Variants in GLRB observed in about 807,000 individuals in gnomAD.
GLRB encodes glycine receptor beta, also known as glycine receptor subunit beta.
GLRB carries 33 observed loss-of-function variants against 54.2 expected under a neutral mutation model. That is an observed-to-expected ratio of 0.61 (90% CI 0.46 to 0.81). The LOEUF is 0.81. Among genes scored for constraint, GLRB ranks in the 40% least tolerant of loss-of-function variants. The pLI is 0.00. For missense variants in GLRB, 572 were observed against 584.6 expected (o/e 0.98, Z 0.22); for synonymous variants, 209 against 208.2 (o/e 1.00, Z -0.03).
chr4:157,091,431 A>T (rs1017702854), intron 2 of GLRB: 5 of 152,246 alleles, frequency 3.3e-5, no homozygotes, highest in African/African-American at 9.6e-5. Flanking sequence ...AAACACCAAC[A>T]GTTTTTCCCA....
Position 157,126,627 on chromosome 4 carries a change from T to G in GLRB, c.297+4230T>G, listed in dbSNP as rs541611519. On this transcript the variant is annotated intron_variant, in intron 4 of 9. Transcript: ENST00000264428. ...CTGCTTGTGACAACTGAAATAAGAGTATTCAAAACAGTGAGAAGAATGATT... is the reference window on the plus strand; with the variant it reads ...CTGCTTGTGACAACTGAAATAAGAGGATTCAAAACAGTGAGAAGAATGATT... Among the ~76,000 whole-genome samples the G allele has an allele frequency of 2.7e-4, 41 of 151,964 alleles. 2 individuals are homozygous for G. The South Asian group carries it at 8.5e-3, about 31-fold the overall frequency.
intron 4 of GLRB, among the ~76,000 whole-genome samples, chr4:157,131,763 G>T (rs959436448): frequency 5.3e-5 from 8 of 151,722 alleles, no homozygotes; most frequent in Non-Finnish European, 1.0e-4. Flanking sequence ...TGATTGTTCA[G>T]TTCTTTTTAA....
At chr4:157,099,407 G>A (rs571167737) in intron 2 of GLRB, among the ~76,000 whole-genome samples, 11 of 151,428 alleles carry the variant, frequency 7.3e-5, no homozygotes, top group Non-Finnish European at 1.3e-4. Flanking sequence ...AACAATCTCA[G>A]CTCACTGCAA....
chr4:157,136,225 T>C (rs980629218), intron 4 of GLRB: 2 of 492,592 alleles, frequency 4.1e-6, no homozygotes, highest in Admixed American at 3.5e-5. Flanking sequence ...CAAGGTTATA[T>C]TCTGATGTTT....
chr4:157,088,591 G>T (rs1477565720), intron 2 of GLRB, among the ~76,000 whole-genome samples: 1 of 152,108 alleles, frequency 6.6e-6, no homozygotes. Context: ...TAAAGGAAAA[G>T]AATACAAGTC....
At chr4:157,157,471 CTAA>C (rs1737277705) in intron 9 of GLRB, among the ~76,000 whole-genome samples, 2 of 152,066 alleles carry the variant, frequency 1.3e-5, no homozygotes, top group South Asian at 4.1e-4. Context: ...GGTAGATCTC[CTAA>C]TGCTATCCCT....
intron 4 of GLRB, among the ~76,000 whole-genome samples, chr4:157,135,153 G>A (rs1736355634): frequency 6.6e-6 from 1 of 151,832 alleles, no homozygotes; most frequent in Admixed American, 6.6e-5. Context: ...CACAATAAAG[G>A]GTCACAGCTT....
intron 8 of GLRB, among the ~76,000 whole-genome samples, chr4:157,149,346 A>G (rs1177210598): frequency 6.6e-6 from 1 of 152,112 alleles, no homozygotes; most frequent in Non-Finnish European, 1.5e-5. Flanking sequence ...AATTTTAGGT[A>G]AGGACTTTTG....
intron 9 of GLRB, among the ~76,000 whole-genome samples, chr4:157,160,676 A>T (rs922014942): frequency 6.6e-6 from 1 of 151,940 alleles, no homozygotes; most frequent in Non-Finnish European, 1.5e-5. Flanking sequence ...TTCTAGTTTG[A>T]TTGCACTGTG....
At chr4:157,101,590 C>A (rs894975910) in intron 2 of GLRB, among the ~76,000 whole-genome samples, 1 of 152,074 alleles carries the variant, frequency 6.6e-6, no homozygotes, top group African/African-American at 2.4e-5. Flanking sequence ...ATTTAGATCT[C>A]ATTGCCTACT....
Position 157,127,999 on chromosome 4 carries a change from A to C in GLRB, c.297+5602A>C, listed in dbSNP as rs146958858. Among the ~76,000 whole-genome samples the C allele has an allele frequency of 2.7e-3, 403 of 151,956 alleles. 1 individual carries two copies. Among genetic ancestry groups the C allele is most frequent in the Middle Eastern group, 6.8e-3 (2 of 294 alleles). On this transcript the variant is annotated intron_variant, in intron 4 of 9. Coordinates refer to ENST00000264428, the MANE Select transcript of GLRB (RefSeq NM_000824.5). ...TTTGTTAGTAATTTTTTTCCTTCTG[A>C]ATTCTGCTGGAGGTTTATCTGATTG...
chr4:157,170,708 T>C lies in GLRB; in HGVS notation c.1474T>C (p.Tyr492His), dbSNP rs745732691. The change falls in exon 10 of 10, where the codon TAT becomes CAT. Residue 492 changes from tyrosine to histidine, a missense_variant. Transcript: ENST00000264428. ...PFCFLFFNVIYWSIYL is the reference protein window; with the variant it reads ...PFCFLFFNVIHWSIYL ...CTGCTTCTTGTTCTTCAATGTTATA[T>C]ATTGGTCTATATATTTATGATAAAT... 4 of 1,540,458 alleles carry C rather than the reference T, an allele frequency of 2.6e-6. No individual in the cohort carries two copies.
At chr4:157,085,777 G>A (rs978053737) in intron 2 of GLRB, among the ~76,000 whole-genome samples, 6 of 152,084 alleles carry the variant, frequency 3.9e-5, no homozygotes, top group Admixed American at 6.6e-5. Flanking sequence ...AATTACAGGC[G>A]TGAGCCACCG....
chr4:157,149,011 A>G (rs1458656681), intron 8 of GLRB, among the ~76,000 whole-genome samples: 1 of 152,094 alleles, frequency 6.6e-6, no homozygotes. Flanking sequence ...AGAAAAGGAA[A>G]TAATACTGAC....
chr4:157,090,061 A>G (rs996164679), intron 2 of GLRB, among the ~76,000 whole-genome samples: 1 of 152,088 alleles, frequency 6.6e-6, no homozygotes, highest in African/African-American at 2.4e-5. Flanking sequence ...CTGTTATTGC[A>G]GTACTTTCCT....
chr4:157,148,935 A>G (rs749759417), intron 8 of GLRB, among the ~76,000 whole-genome samples: 17 of 152,092 alleles, frequency 1.1e-4, no homozygotes, highest in Non-Finnish European at 2.2e-4. Context: ...AATTATAATT[A>G]TGGAATTACG....
At chr4:157,128,557 T>A (rs1043431922) in intron 4 of GLRB, among the ~76,000 whole-genome samples, 1 of 151,878 alleles carries the variant, frequency 6.6e-6, no homozygotes, top group Non-Finnish European at 1.5e-5. Flanking sequence ...TATTGGATGC[T>A]TTTTATACTC....
Position 157,170,469 on chromosome 4 carries a change from A to C in GLRB, c.1235A>C (p.Lys412Thr). The C allele has an allele frequency of 6.2e-7, 1 of 1,608,886 alleles. No homozygotes were observed. The highest frequency in any genetic ancestry group is 1.1e-5 in the South Asian group (1 of 90,910). ...ETRCKKVCTS[K>T]SDLRSNDFSI... ...AGATGCAAAAAAGTTTGTACTTCTA[A>C]GTCTGATCTGAGATCTAATGACTTC... is the stretch of plus-strand genomic sequence containing the variant. The change falls in exon 10 of 10, where the codon AAG becomes ACG. Residue 412 changes from lysine (K) to threonine (T), a missense_variant. Physicochemically the swap from Lys to Thr is moderately conservative, Grantham distance 78 (BLOSUM62 -1). Coordinates refer to ENST00000264428, the MANE Select transcript of GLRB (RefSeq NM_000824.5).
At chr4:157,095,920 A>G (rs551462577) in intron 2 of GLRB, among the ~76,000 whole-genome samples, 1 of 152,290 alleles carries the variant, frequency 6.6e-6, no homozygotes, top group African/African-American at 2.4e-5. Flanking sequence ...CATGAGGGCA[A>G]GGACAAGTGG....
Sources: allele counts gnomAD v4.1 joint callset (sites outside exome capture counted in the v4.1 genomes callset), GRCh38; gene constraint gnomAD v4.1.1; transcripts MANE v1.5; gene names NCBI Gene and HGNC (gene_info 2026-07-23, HGNC 2026-07-21).